TENM4: variants seen among roughly 807,000 people sequenced by gnomAD.
The protein encoded by TENM4 is teneurin-4.
In TENM4, 82 loss-of-function variants were observed where a neutral mutation model predicts 243.3. The observed-to-expected ratio is 0.34, with a 90% CI of 0.28 to 0.40. The LOEUF is 0.40. TENM4 is among the 10% of genes least tolerant of loss of function. TENM4 has a pLI of 1.00. For synonymous variants in TENM4, 1,412 were observed against 1,456.3 expected, an observed-to-expected ratio of 0.97 and a Z score of 0.69; for missense variants, 3,138 against 3,673.3, an observed-to-expected ratio of 0.85 and a Z score of 3.77.
At chr11:78,996,734 T>G (rs72947316) in intron 6 of TENM4, among the ~76,000 whole-genome samples, 12,594 of 152,118 alleles carry the variant, frequency 0.083, 607 homozygotes, top group Admixed American at 0.14. Context: ...AAGGTGAGGC[T>G]CCTTCTCTTC....
At position 78,729,463 on chromosome 11, in the gene TENM4, C is replaced by A. The variant is rs746002346; in HGVS notation, c.3319G>T (p.Ala1107Ser). Reference sequence around the variant, plus strand: ...TAATAGGACAGGTCTGGGGCTGCAGCGAACCACTTCCTGAAGAGGCGGCCC... The same window carrying A: ...TAATAGGACAGGTCTGGGGCTGCAGAGAACCACTTCCTGAAGAGGCGGCCC... ...VEGRLFRKWF[A>S]AAPDLSYYFI... is the part of the protein sequence containing the mutation. Residue 1107 changes from alanine to serine, a missense_variant, in exon 22 of 34, where the codon GCT becomes TCT. By Grantham distance (99) the Ala-to-Ser change is moderately conservative. Around this residue, in one of 2 missense-constraint regions of TENM4, gnomAD observed 2,467 missense variants for 3,059.1 expected, o/e 0.81. Transcript: ENST00000278550. 6.2e-7 allele frequency: 1 copy of A among 1,610,798 alleles called. No homozygotes were observed. Among genetic ancestry groups the A allele is most frequent in the East Asian group, 2.2e-5 (1 of 44,748 alleles).
At position 79,295,119 on chromosome 11, in the gene TENM4, C is replaced by T. The variant is rs796983140; in HGVS notation, c.-265+2369G>A. Reference sequence around the variant, plus strand: ...GAACACACCAGCCCCAGAACTGAGACGGTGCCCAGAGAGGAACAAAAACGC... The same window carrying T: ...GAACACACCAGCCCCAGAACTGAGATGGTGCCCAGAGAGGAACAAAAACGC... On this transcript the variant is annotated intron_variant, in intron 2 of 33. Transcript: ENST00000278550. 1.4e-4 allele frequency among the ~76,000 whole-genome samples: 21 copies of T among 152,258 alleles called. 1 individual carries two copies. The highest frequency in any genetic ancestry group is 4.1e-4 in the South Asian group (2 of 4,826).
intron 3 of TENM4, among the ~76,000 whole-genome samples, chr11:79,207,458 G>A (rs899501166): frequency 2.0e-5 from 3 of 152,164 alleles, no homozygotes; most frequent in Non-Finnish European, 4.4e-5. Flanking sequence ...CAGAAGCACA[G>A]TGTGGCTAGG....
At chr11:79,070,117 A>T (rs1421193061) in intron 4 of TENM4, 108 bp from the exon 5 acceptor site, 1 of 1,329,882 alleles carries the variant, frequency 7.5e-7, no homozygotes, top group Non-Finnish European at 1.0e-6. Flanking sequence ...AACCCCAGGC[A>T]GTGGAGGAGA....
intron 29 of TENM4, among the ~76,000 whole-genome samples, chr11:78,686,725 C>T (rs2135718219): frequency 6.6e-6 from 1 of 152,318 alleles, no homozygotes; most frequent in South Asian, 2.1e-4. Flanking sequence ...TCACAGAAGT[C>T]TTCTGTTGAT....
At chr11:79,365,712 G>A (rs2135500278) in intron 1 of TENM4, among the ~76,000 whole-genome samples, 1 of 152,300 alleles carries the variant, frequency 6.6e-6, no homozygotes, top group Admixed American at 6.5e-5. Context: ...ACAGCAACAG[G>A]CACAGAGGGA....
At chr11:78,736,485 CGCGT>C (rs1352744100) in intron 20 of TENM4, among the ~76,000 whole-genome samples, 128 of 142,340 alleles carry the variant, frequency 9.0e-4, no homozygotes, top group Non-Finnish European at 1.7e-3. Flanking sequence ...TGTGTGCGCG[CGCGT>C]GCATGTGAGT....
chr11:78,819,845 T>C (rs1338804271), intron 12 of TENM4, among the ~76,000 whole-genome samples: 1 of 152,190 alleles, frequency 6.6e-6, no homozygotes, highest in Non-Finnish European at 1.5e-5. Flanking sequence ...TGTCAGGAAC[T>C]CTTTGGGAAC....
intron 1 of TENM4, among the ~76,000 whole-genome samples, chr11:79,424,570 C>T (rs184792760): frequency 6.6e-4 from 100 of 151,992 alleles, no homozygotes; most frequent in Non-Finnish European, 1.1e-3. Flanking sequence ...GAGGTCAAGG[C>T]TGCAGTGAGC....
At chr11:79,173,333 G>T (rs1863088519) in intron 3 of TENM4, among the ~76,000 whole-genome samples, 1 of 151,932 alleles carries the variant, frequency 6.6e-6, no homozygotes, top group African/African-American at 2.4e-5. Context: ...ACAGGTAGTG[G>T]TATGAGTTAC....
chr11:78,720,446 G>A (rs909779200), intron 24 of TENM4, 56 bp from the exon 25 acceptor site: 1 of 1,597,362 alleles, frequency 6.3e-7, no homozygotes, highest in Non-Finnish European at 8.6e-7. Context: ...TTAGCAGCAG[G>A]GTTAGAAGCA....
chr11:79,404,425 T>C (rs1479509450), intron 1 of TENM4, among the ~76,000 whole-genome samples: 2 of 152,156 alleles, frequency 1.3e-5, no homozygotes, highest in African/African-American at 4.8e-5. Context: ...AGAGAGAAAG[T>C]AGACTAGAGG....
In TENM4 at chr11:78,712,528, G is replaced by A. The variant is rs748391230; in HGVS notation, c.4008C>T (p.Cys1336=). 3.2e-5 allele frequency: 51 copies of A among 1,613,964 alleles called. No homozygotes were observed. The Middle Eastern group carries it at 6.6e-4, about 21-fold the overall frequency. The change falls in exon 26 of 34, where the codon TGC becomes TGT. Residue 1336 remains cysteine (C), a synonymous_variant. Transcript: ENST00000278550. ...CTTCTGTGGCCTTCCCACCATCCCC[G>A]CAGCGAGTGTCATCAAAGGGGAGGC... ...DQCLPFDDTR[C]GDGGKATEAT...
At chr11:78,821,925 T>C (rs1401178460) in intron 12 of TENM4, among the ~76,000 whole-genome samples, 1 of 152,246 alleles carries the variant, frequency 6.6e-6, no homozygotes, top group Non-Finnish European at 1.5e-5. Flanking sequence ...TGTTTACATG[T>C]ATGTATCTGC....
intron 3 of TENM4, among the ~76,000 whole-genome samples, chr11:79,150,318 T>C (rs1862479154): frequency 6.6e-6 from 1 of 152,128 alleles, no homozygotes; most frequent in Non-Finnish European, 1.5e-5. Context: ...TGGTGTTAGG[T>C]CTTGGGTGCC....
intron 14 of TENM4, 83 bp from the exon 15 acceptor site, chr11:78,805,575 G>T: frequency 6.8e-7 from 1 of 1,473,206 alleles, no homozygotes; most frequent in Non-Finnish European, 9.2e-7. Flanking sequence ...TTAGCTTTGT[G>T]GCCAAGGGGC....
At chr11:79,393,506 A>G (rs912697670) in intron 1 of TENM4, among the ~76,000 whole-genome samples, 7 of 152,234 alleles carry the variant, frequency 4.6e-5, no homozygotes, top group African/African-American at 1.7e-4. Context: ...AAGGGGCAAA[A>G]GCACACCTGC....
intron 31 of TENM4, 119 bp downstream of exon 31, chr11:78,671,914 C>T: frequency 7.5e-7 from 1 of 1,324,536 alleles, no homozygotes; most frequent in Non-Finnish European, 1.0e-6. Flanking sequence ...CTTTCCTGAA[C>T]ATTTCCTTTT....
intron 18 of TENM4, among the ~76,000 whole-genome samples, chr11:78,764,251 CTG>C (rs1856494040): frequency 6.6e-6 from 1 of 152,210 alleles, no homozygotes. Context: ...AATAAGGACA[CTG>C]GGGCTCAGGT....
Sources: allele counts gnomAD v4.1 joint callset (sites outside exome capture counted in the v4.1 genomes callset), GRCh38; gene constraint gnomAD v4.1.1; regional missense constraint gnomAD v4.1.1; transcripts MANE v1.5; gene names NCBI Gene and HGNC (gene_info 2026-07-23, HGNC 2026-07-21).